KCNQ1: variants seen among roughly 807,000 people sequenced by gnomAD.
KCNQ1 encodes the protein potassium voltage-gated channel subfamily Q member 1.
KCNQ1 carries 49 observed loss-of-function variants against 72.4 expected under a neutral mutation model. The ratio of observed to expected loss-of-function variants is 0.68; its 90% confidence interval spans 0.54 to 0.86. The LOEUF (loss-of-function observed/expected upper bound fraction) is 0.86. Ranked by LOEUF, KCNQ1 falls within the 40% of genes least tolerant of loss-of-function variation. KCNQ1 has a pLI of 0.00. For synonymous variants in KCNQ1, 450 were observed against 412.6 expected (o/e 1.09, Z -1.10); for missense variants, 790 against 945.1 (o/e 0.84, Z 2.15).
rs1327124858 is a variant in KCNQ1 at position 2,816,076 on chromosome 11, A to C, written c.1795-31691A>C. The stretch of plus-strand genomic sequence containing the variant: ...ACGGCTGGCGGCCGGGGCTTGGGAG[A>C]TCAAGAAGTCCCTGAGGAAGAGGAC... On this transcript the variant is annotated intron_variant, in intron 15 of 15. Transcript: ENST00000155840. This position sits in a 1 kb window ranked among gnomAD's most constrained non-coding sequence, Gnocchi z 6.8. 6.6e-6 allele frequency among the ~76,000 whole-genome samples: 1 copy of C among 152,080 alleles called. No individual in the cohort carries two copies. The highest frequency in any genetic ancestry group is 1.9e-4 in the East Asian group (1 of 5,180).
Position 2,588,884 on chromosome 11 carries a change from C to T in KCNQ1, c.1393+30C>T, listed in dbSNP as rs752538819. On this transcript the variant is annotated intron_variant, in intron 10 of 15. Transcript: ENST00000155840. The surrounding 1 kb of genome is among the most constrained non-coding windows in gnomAD (Gnocchi z 5.6). The stretch of plus-strand genomic sequence containing the variant: ...GAACCCCTCAGGCAGTTGGGGGCCG[C>T]GGGGCCGGGAAGGTCACTGCCTTTT... The T allele has an allele frequency of 2.0e-5, 32 of 1,609,014 alleles. No individual in the cohort carries two copies. The highest frequency in any genetic ancestry group is 7.7e-5 in the South Asian group (7 of 90,750).
chr11:2,778,414 G>T (rs1846752824), intron 15 of KCNQ1, among the ~76,000 whole-genome samples: 1 of 152,196 alleles, frequency 6.6e-6, no homozygotes, highest in Non-Finnish European at 1.5e-5. Flanking sequence ...TCACATCCCA[G>T]CCTTCTCCTG....
intron 15 of KCNQ1, among the ~76,000 whole-genome samples, chr11:2,788,344 C>T (rs1357412230): frequency 1.3e-5 from 2 of 152,222 alleles, no homozygotes; most frequent in African/African-American, 2.4e-5. Context: ...TGTTCCCTGG[C>T]GTAGCTTCGC....
chr11:2,625,680 A>G (rs1268520596), intron 10 of KCNQ1: 1 of 394,636 alleles, frequency 2.5e-6, no homozygotes, highest in African/African-American at 2.1e-5. Flanking sequence ...GGTTCACATC[A>G]TTCTCCTGCC....
chr11:2,602,430 G>A lies in KCNQ1; in HGVS notation c.1393+13576G>A, dbSNP rs1439942631. Among the ~76,000 whole-genome samples the A allele has an allele frequency of 6.6e-6, 1 of 152,190 alleles. No homozygotes were observed. The highest frequency in any genetic ancestry group is 2.4e-5 in the African/African-American group (1 of 41,462). ...AAGTTTTTATTTCTTTGGGATAAAA[G>A]CCCAAGCTTGTAATTGCTGAGTTGT... On this transcript the variant is annotated intron_variant, in intron 10 of 15. Transcript: ENST00000155840. The surrounding 1 kb of genome is among the most constrained non-coding windows in gnomAD (Gnocchi z 4.8).
At position 2,767,365 on chromosome 11, in the gene KCNQ1, G is replaced by A. The variant is rs554392928; in HGVS notation, c.1515-1479G>A. Reference sequence around the variant, plus strand: ...AATTATATACCGTGTACATTCCCCAGTACTCTTTCATCAGTGAAGTCACAA... The same window carrying A: ...AATTATATACCGTGTACATTCCCCAATACTCTTTCATCAGTGAAGTCACAA... On this transcript the variant is annotated intron_variant, in intron 11 of 15. Transcript: ENST00000155840. The surrounding 1 kb of genome is among the most constrained non-coding windows in gnomAD (Gnocchi z 4.6). Among the ~76,000 whole-genome samples the A allele has an allele frequency of 2.6e-5, 4 of 152,248 alleles. No individual in the cohort carries two copies. The East Asian group carries it at 7.7e-4, about 29-fold the overall frequency.
At chr11:2,574,272 G>A (rs1023138907) in intron 6 of KCNQ1, among the ~76,000 whole-genome samples, 1 of 152,196 alleles carries the variant, frequency 6.6e-6, no homozygotes, top group African/African-American at 2.4e-5. Flanking sequence ...AAGTGCCGAG[G>A]TGACAGGGTG....
intron 1 of KCNQ1, among the ~76,000 whole-genome samples, chr11:2,510,950 C>T (rs1051029551): frequency 3.9e-5 from 6 of 152,234 alleles, no homozygotes; most frequent in South Asian, 2.1e-4. Context: ...GCTCTCTACC[C>T]GATTCAGATC....
chr11:2,545,162 G>C (rs905963452), intron 2 of KCNQ1, among the ~76,000 whole-genome samples: 2 of 152,118 alleles, frequency 1.3e-5, no homozygotes, highest in African/African-American at 4.8e-5. Context: ...TATTCTTTTT[G>C]TATATCACTG....
intron 11 of KCNQ1, chr11:2,699,453 G>A: frequency 7.5e-6 from 3 of 402,452 alleles, no homozygotes; most frequent in Non-Finnish European, 1.3e-5. Context: ...GCACTGAGGA[G>A]CCGCCGGGAG....
chr11:2,690,350 T>G lies in KCNQ1; in HGVS notation c.1514+28269T>G, dbSNP rs2133891254. The G allele has an allele frequency of 5.0e-6, 2 of 398,722 alleles. No individual in the cohort carries two copies. Among genetic ancestry groups the G allele is most frequent in the South Asian group, 2.5e-4 (2 of 7,860 alleles). 24.7% of individuals were successfully genotyped at this position (398,722 alleles called of 1,614,324 possible). A position where few individuals can be genotyped will look rare whatever the true frequency, so the allele number is the denominator to read the frequency against. ...GTCAAGTCTGAGGCTGCCCTGCAGC[T>G]GCTGTTTCCACTACTTGGCATGGAA... On this transcript the variant is annotated intron_variant, in intron 11 of 15. Coordinates refer to ENST00000155840, the MANE Select transcript of KCNQ1 (RefSeq NM_000218.3). This position sits in a 1 kb window ranked among gnomAD's most constrained non-coding sequence, Gnocchi z 5.1.
At chr11:2,821,517 G>A (rs1477919105) in intron 15 of KCNQ1, among the ~76,000 whole-genome samples, 1 of 152,166 alleles carries the variant, frequency 6.6e-6, no homozygotes, top group Admixed American at 6.5e-5. Flanking sequence ...TTGGGAAGTG[G>A]CTGGTAAAAA....
intron 10 of KCNQ1, chr11:2,641,162 C>A (rs1849570652): frequency 1.0e-5 from 4 of 398,334 alleles, no homozygotes; most frequent in Non-Finnish European, 1.3e-5. Context: ...ATACTGATAT[C>A]TTTTCCTTTA....
chr11:2,640,192 T>C, intron 10 of KCNQ1: 1 of 390,726 alleles, frequency 2.6e-6, no homozygotes, highest in Non-Finnish European at 4.5e-6. Flanking sequence ...CGTCTCACAC[T>C]CAGTGGGCTG....
intron 15 of KCNQ1, among the ~76,000 whole-genome samples, chr11:2,836,142 G>C (rs1436242247): frequency 6.6e-6 from 1 of 152,164 alleles, no homozygotes; most frequent in Non-Finnish European, 1.5e-5. Flanking sequence ...GGGTGGAAGA[G>C]TTGAAAGCAG....
intron 15 of KCNQ1, among the ~76,000 whole-genome samples, chr11:2,778,639 T>TG (rs5789271): frequency 0.5 from 75,741 of 151,922 alleles, 19,269 homozygotes; most frequent in Middle Eastern, 0.6. Context: ...ATCTGGGCGG[T>TG]GGGAGGGCCT....
In KCNQ1 at chr11:2,471,965, T is replaced by C. The variant is rs1442874156; in HGVS notation, c.386+26481T>C. Among the ~76,000 whole-genome samples the C allele has an allele frequency of 1.1e-4, 16 of 151,836 alleles. No individual in the cohort carries two copies. The highest frequency in any genetic ancestry group is 1.0e-3 in the Admixed American group (16 of 15,250). On this transcript the variant is annotated intron_variant, in intron 1 of 15. Transcript: ENST00000155840. This position sits in a 1 kb window ranked among gnomAD's most constrained non-coding sequence, Gnocchi z 4.8. ...GCGTGTGTAGGTGTGTGTTCATATA[T>C]ATGGGTGTGTGTGCACCTATGTGTA...
rs895594771 is a variant in KCNQ1, at chr11:2,687,972, G to T, written c.1514+25891G>T. 2.5e-6 allele frequency: 1 copy of T among 398,776 alleles called. No individual in the cohort carries two copies. The highest frequency in any genetic ancestry group is 4.4e-6 in the Non-Finnish European group (1 of 226,182). The allele number at this position is 398,776 out of a possible 1,614,324, so 24.7% of individuals were successfully genotyped here. On this transcript the variant is annotated intron_variant, in intron 11 of 15. Coordinates refer to ENST00000155840, the MANE Select transcript of KCNQ1 (RefSeq NM_000218.3). This position sits in a 1 kb window ranked among gnomAD's most constrained non-coding sequence, Gnocchi z 5.0. ...TGGGTCAGCCAGGCCGCTGCTTCCT[G>T]CTTCCCTTTGATGTCTCCTCGTGCG...
At chr11:2,548,955 CTGAG>C (rs1847939362) in intron 2 of KCNQ1, among the ~76,000 whole-genome samples, 1 of 152,220 alleles carries the variant, frequency 6.6e-6, no homozygotes, top group Non-Finnish European at 1.5e-5. Context: ...CCCAGCCCTC[CTGAG>C]CCCCTGTGAC....
Sources: gnomAD v4.1 joint callset for allele counts (sites outside exome capture counted in the v4.1 genomes callset) on GRCh38, gnomAD v4.1.1 for gene constraint, Gnocchi (gnomAD v3.1) non-coding constraint, MANE v1.5 for transcripts, NCBI Gene and HGNC (gene_info 2026-07-23, HGNC 2026-07-21) for gene names.